Variants in ADGRG1 observed in about 807,000 individuals in gnomAD.
ADGRG1 encodes adhesion G protein-coupled receptor G1.
Under a neutral mutation model 73.5 loss-of-function variants are expected in ADGRG1, and 53 were observed. The ratio of observed to expected loss-of-function variants is 0.72; its 90% confidence interval spans 0.58 to 0.91. The LOEUF is 0.91. Among genes scored for constraint, ADGRG1 ranks in the 40% least tolerant of loss-of-function variants. ADGRG1 has a pLI of 0.00. For missense variants in ADGRG1, 795 were observed against 871.8 expected, an observed-to-expected ratio of 0.91 and a Z score of 1.11; for synonymous variants, 394 against 374.4, an observed-to-expected ratio of 1.05 and a Z score of -0.60.
chr16:57,625,535 A>G (rs950555584), upstream of ADGRG1: 9 of 983,138 alleles, frequency 9.2e-6, no homozygotes, highest in African/African-American at 1.1e-4. Flanking sequence ...TCCGGACCCA[A>G]CTTCCCCTCT....
intron 2 of ADGRG1, chr16:57,621,780 C>A: frequency 1.2e-6 from 1 of 801,540 alleles, no homozygotes; most frequent in Non-Finnish European, 1.5e-6. Context: ...AGGCCAGGGC[C>A]AAGGGAGCTG....
At chr16:57,645,439 G>A (rs1243073565) in intron 1 of ADGRG1, 6 of 538,684 alleles carry the variant, frequency 1.1e-5, no homozygotes, top group East Asian at 1.9e-4. Context: ...CCAGGGCCCC[G>A]CTAAATGCTG....
chr16:57,654,812 G>A (rs563999233), intron 5 of ADGRG1, among the ~76,000 whole-genome samples: 64 of 152,296 alleles, frequency 4.2e-4, no homozygotes, highest in Non-Finnish European at 7.6e-4. Context: ...CCCGGGAGGC[G>A]GAGGTTGCAG....
chr16:57,651,861 C>T (rs1454667345), intron 3 of ADGRG1: 1 of 1,436,088 alleles, frequency 7.0e-7, no homozygotes, highest in Non-Finnish European at 9.1e-7. Context: ...TGTGGGCAGG[C>T]AGGGGTGAGG....
At chr16:57,627,205 T>C (rs767144069), upstream of ADGRG1, 60 of 462,382 alleles carry the variant, frequency 1.3e-4, no homozygotes, top group Non-Finnish European at 1.6e-4. Context: ...CCCTGGCTCC[T>C]AGGCTGCCCG....
intron 1 of ADGRG1, chr16:57,643,970 T>C: frequency 1.0e-6 from 1 of 984,804 alleles, no homozygotes; most frequent in Non-Finnish European, 1.2e-6. Context: ...CTTTGAGCTG[T>C]TGGGTACATG....
chr16:57,648,630 C>T (rs1354606735), intron 1 of ADGRG1: 70 of 983,984 alleles, frequency 7.1e-5, no homozygotes, highest in Non-Finnish European at 8.0e-5. Flanking sequence ...GTTCAAAAGC[C>T]ACCTCTTCCT....
intron 1 of ADGRG1, chr16:57,635,432 A>G (rs2039111485): frequency 1.0e-6 from 1 of 985,288 alleles, no homozygotes. Flanking sequence ...GGACCAGTGC[A>G]GCACCCTTGC....
Position 57,651,228 on chromosome 16 carries a change from CTT to C in ADGRG1, c.95_96del (p.Phe32SerfsTer51). 1 of 1,614,190 alleles carries C rather than the reference CTT, an allele frequency of 6.2e-7. No homozygotes were observed. Among genetic ancestry groups the C allele is most frequent in the Non-Finnish European group, 8.5e-7 (1 of 1,180,020 alleles). On this transcript the variant is annotated frameshift_variant, in exon 3 of 14. Transcript: ENST00000562631. LOFTEE classifies it high-confidence loss of function. ...GAHGRGHREDFRFCSQRNQTH... is the reference protein window; with the variant it reads ...GAHGRGHREDXRFCSQRNQTH... ...CCCACGGCAGGGGCCACAGGGAAGA[CTT>C]TCGCTTCTGCAGCCAGCGGAACCAG...
At chr16:57,625,993 C>T (rs569225531), upstream of ADGRG1, among the ~76,000 whole-genome samples, 178 of 152,360 alleles carry the variant, frequency 1.2e-3, no homozygotes, top group Non-Finnish European at 2.2e-3. Context: ...TAGTTCAGAT[C>T]CTGGCTGTTA....
In ADGRG1 at chr16:57,656,278, A is replaced by T; in HGVS notation, c.1063+7A>T. ...TGGGTTGAAGACCCCACATGTGAGT[A>T]TGCAGGGGTCTCTGGGCTGGACAAG... is the stretch of plus-strand genomic sequence containing the variant. On this transcript the variant is annotated splice_region_variant and intron_variant, in intron 8 of 13. Transcript: ENST00000562631. The T allele has an allele frequency of 1.3e-6, 2 of 1,598,194 alleles. No homozygotes were observed. Among genetic ancestry groups the T allele is most frequent in the Non-Finnish European group, 1.7e-6 (2 of 1,169,868 alleles).
At chr16:57,631,384 G>A (rs1203431323) in intron 1 of ADGRG1, 7 of 985,962 alleles carry the variant, frequency 7.1e-6, no homozygotes, top group Non-Finnish European at 7.2e-6. Context: ...GGTCTGGGGG[G>A]CTGTGCCATT....
At chr16:57,626,977 A>G (rs2035961239), upstream of ADGRG1, 1 of 985,412 alleles carries the variant, frequency 1.0e-6, no homozygotes. Flanking sequence ...GGGAGAGAGC[A>G]GAGGGTATGA....
At position 57,636,575 on chromosome 16, in the gene ADGRG1, A is replaced by C. The variant is rs927957480; in HGVS notation, c.-36+7773A>C. 3 of 984,316 alleles carry C rather than the reference A, an allele frequency of 3.0e-6. No individual in the cohort carries two copies. In the African/African-American group the frequency reaches 5.3e-5, roughly 17 times the overall value. The allele number at this position is 984,316 out of a possible 1,614,324, so 61.0% of individuals were successfully genotyped here. On this transcript the variant is annotated intron_variant, in intron 1 of 13. Coordinates refer to ENST00000562631, the MANE Select transcript of ADGRG1 (RefSeq NM_201525.4). ...CTCCATCCCCTATCCCCTACCCCTC[A>C]CATAGCCTGAGTGGCACTTTTGGGT...
At chr16:57,623,901 TG>T (rs1408801927), upstream of ADGRG1, 1 of 821,822 alleles carries the variant, frequency 1.2e-6, no homozygotes, top group Non-Finnish European at 1.5e-6. Flanking sequence ...GTCCTGACTC[TG>T]TTGCCAACTT....
chr16:57,652,181 G>A (rs1324736629), intron 3 of ADGRG1: 6 of 998,008 alleles, frequency 6.0e-6, no homozygotes, highest in Non-Finnish European at 7.2e-6. Flanking sequence ...AAGCAGTGGG[G>A]TTGACTCTGA....
rs587783654 is a variant in ADGRG1 at position 57,659,616 on chromosome 16, T to C, written c.1490T>C (p.Leu497Pro). ...MGLEGYNLYR[L>P]VVEVFGTYVP... ...CTCGAGGGGTACAACCTCTACCGACTCGTGGTGGAGGTCTTTGGCACCTAT... is the reference window on the plus strand; with the variant it reads ...CTCGAGGGGTACAACCTCTACCGACCCGTGGTGGAGGTCTTTGGCACCTAT... Residue 497 changes from leucine to proline, a missense_variant, in exon 11 of 14, where the codon CTC becomes CCC. Transcript: ENST00000562631. 1.2e-6 allele frequency: 2 copies of C among 1,613,316 alleles called. No homozygotes were observed. The highest frequency in any genetic ancestry group is 1.7e-5 in the Admixed American group (1 of 60,006).
intron 9 of ADGRG1, 145 bp from the exon 10 acceptor site, chr16:57,657,228 G>A (rs2148466770): frequency 2.6e-6 from 3 of 1,157,272 alleles, no homozygotes; most frequent in African/African-American, 3.0e-5. Context: ...ATGCACTTAT[G>A]GGACCACATT....
At chr16:57,661,675 G>A in intron 12 of ADGRG1, 22 bp from the exon 13 acceptor site, 1 of 1,608,648 alleles carries the variant, frequency 6.2e-7, no homozygotes, top group Non-Finnish European at 8.5e-7. Context: ...CACACGCTGA[G>A]CCCTCCTGCC....
Sources: allele counts gnomAD v4.1 joint callset (sites outside exome capture counted in the v4.1 genomes callset), GRCh38; gene constraint gnomAD v4.1.1; transcripts MANE v1.5; gene names NCBI Gene and HGNC (gene_info 2026-07-23, HGNC 2026-07-21).